MINDY4B: variants seen among roughly 807,000 people sequenced by gnomAD.
The protein encoded by MINDY4B is inactive ubiquitin carboxyl-terminal hydrolase MINDY-4B.
In MINDY4B, 25 loss-of-function variants were observed where a neutral mutation model predicts 16.7. The ratio of observed to expected loss-of-function variants is 1.49; its 90% confidence interval spans 1.09 to 2.09. The LOEUF (loss-of-function observed/expected upper bound fraction) is 2.09, where lower values mean the gene tolerates loss of function less well. MINDY4B is among the 30% of genes most tolerant of loss of function. MINDY4B has a pLI of 0.00. For missense variants in MINDY4B, 327 were observed against 168.4 expected, an observed-to-expected ratio of 1.94 and a Z score of -5.21; for synonymous variants, 132 against 61.9, an observed-to-expected ratio of 2.13 and a Z score of -5.32.
intron 3 of MINDY4B, among the ~76,000 whole-genome samples, chr3:150,897,998 T>A (rs1269712340): frequency 6.6e-6 from 1 of 152,190 alleles, no homozygotes; most frequent in Non-Finnish European, 1.5e-5. Context: ...GTTCTGCTCC[T>A]TACCAACCAT....
intron 10 of MINDY4B, among the ~76,000 whole-genome samples, chr3:150,874,005 ATTTTTTTTTTTTTTTT>A (rs558319330): frequency 1.2e-5 from 1 of 81,988 alleles, no homozygotes; most frequent in African/African-American, 4.7e-5. Context: ...TTTAGCCTTG[ATTTTTTTTTTTTTTTT>A]TTTTTTTTTT....
rs1204531152 is a variant in MINDY4B, at chr3:150,870,997, C to A, written c.*48G>T. On this transcript the variant is annotated 3_prime_UTR_variant, in exon 12 of 12. Coordinates refer to ENST00000465419, the MANE Select transcript of MINDY4B (RefSeq NM_001351281.2). The stretch of plus-strand genomic sequence containing the variant: ...TCTCCCCCACATTAGGCTTTTGCAT[C>A]CCAGCAGTTCTGACACTTCAGACTT... 27 of 676,228 alleles carry A rather than the reference C, an allele frequency of 4.0e-5. No homozygotes were observed. Among genetic ancestry groups the A allele is most frequent in the Non-Finnish European group, 7.2e-5 (27 of 372,948 alleles). The allele number at this position is 676,228 out of a possible 1,614,324, so 41.9% of individuals were successfully genotyped here.
At chr3:150,900,433 T>C (rs1393653346) in intron 3 of MINDY4B, among the ~76,000 whole-genome samples, 2 of 152,328 alleles carry the variant, frequency 1.3e-5, no homozygotes, top group African/African-American at 2.4e-5. Flanking sequence ...TAGGATTCAA[T>C]AGCTCTGACA....
intron 10 of MINDY4B, among the ~76,000 whole-genome samples, chr3:150,877,626 G>C (rs962301115): frequency 6.6e-6 from 1 of 152,088 alleles, no homozygotes; most frequent in Non-Finnish European, 1.5e-5. Context: ...CCATACACCC[G>C]ACAAGTGTGA....
At chr3:150,879,439 A>G (rs999109186) in intron 10 of MINDY4B, among the ~76,000 whole-genome samples, 3 of 152,244 alleles carry the variant, frequency 2.0e-5, no homozygotes, top group Middle Eastern at 3.4e-3. Flanking sequence ...AACCACTTCA[A>G]AATTTCAGTG....
chr3:150,892,617 A>G (rs1340421209), intron 5 of MINDY4B, among the ~76,000 whole-genome samples: 1 of 152,130 alleles, frequency 6.6e-6, no homozygotes, highest in Non-Finnish European at 1.5e-5. Context: ...AAAAATAGGC[A>G]AAAACCAAAC....
At chr3:150,872,524 C>T (rs1716993694) in intron 11 of MINDY4B, among the ~76,000 whole-genome samples, 1 of 152,194 alleles carries the variant, frequency 6.6e-6, no homozygotes, top group Non-Finnish European at 1.5e-5. Flanking sequence ...GTCTTTTTCC[C>T]TCAGGAGTTT....
chr3:150,901,609 C>A (rs576553739), intron 3 of MINDY4B, among the ~76,000 whole-genome samples: 1 of 150,590 alleles, frequency 6.6e-6, no homozygotes. Flanking sequence ...GCAACCTCTG[C>A]GTCCTGGGTT....
At chr3:150,895,122 C>G (rs551022561) in intron 3 of MINDY4B, among the ~76,000 whole-genome samples, 50 of 152,096 alleles carry the variant, frequency 3.3e-4, no homozygotes, top group Non-Finnish European at 5.7e-4. Flanking sequence ...CATTTATTCC[C>G]TTCATTTAAT....
intron 3 of MINDY4B, among the ~76,000 whole-genome samples, chr3:150,897,238 A>G (rs1333715458): frequency 2.0e-5 from 3 of 152,048 alleles, no homozygotes; most frequent in African/African-American, 7.2e-5. Context: ...GGGAGACTAG[A>G]CAGAGAGAAA....
rs552675868 is a variant in MINDY4B at position 150,877,600 on chromosome 3, C to T, written c.1060-4233G>A. The stretch of plus-strand genomic sequence containing the variant: ...TCTAAGCACCACTGAGCTTGGTCTC[C>T]TAGGGCTAAGGATTTCCATACACCC... On this transcript the variant is annotated intron_variant, in intron 10 of 11. Coordinates refer to ENST00000465419, the MANE Select transcript of MINDY4B (RefSeq NM_001351281.2). Among the ~76,000 whole-genome samples, 344 of 152,212 alleles carry T rather than the reference C, an allele frequency of 2.3e-3. 2 individuals are homozygous for T. The highest frequency in any genetic ancestry group is 3.4e-3 in the Middle Eastern group (1 of 294).
At chr3:150,883,099 A>G in intron 9 of MINDY4B, 41 bp from the exon 10 acceptor site, 1 of 606,678 alleles carries the variant, frequency 1.6e-6, no homozygotes, top group South Asian at 1.9e-5. Context: ...TTTAGATAGC[A>G]ATGAAACAAT....
chr3:150,874,556 C>T (rs868206756), intron 10 of MINDY4B, among the ~76,000 whole-genome samples: 17 of 122,804 alleles, frequency 1.4e-4, no homozygotes, highest in African/African-American at 4.8e-4. Context: ...TATATATCTA[C>T]ATGGACAAAC....
chr3:150,885,370 T>G lies in MINDY4B; in HGVS notation c.822A>C (p.Glu274Asp), dbSNP rs772832565. The G allele has an allele frequency of 1.4e-6, 1 of 702,826 alleles. No homozygotes were observed. Among genetic ancestry groups the G allele is most frequent in the Non-Finnish European group, 2.6e-6 (1 of 384,822 alleles). The allele number at this position is 702,826 out of a possible 1,614,324, so 43.5% of individuals were successfully genotyped here. Residue 274 changes from glutamate (E) to aspartate (D), a missense_variant and splice_region_variant, in exon 8 of 12, where the codon GAA (glutamate) becomes GAC (aspartate). Glu to Asp is a conservative substitution (Grantham distance 45). Coordinates refer to ENST00000465419, the MANE Select transcript of MINDY4B (RefSeq NM_001351281.2). ...GTGTAAACATCTGTAGAATTTACCT[T>G]TCAAATGTTCTAGAGAAGATCAGGC... is the stretch of plus-strand genomic sequence containing the variant. ...LYSLIFSRTF[E>D]RLQMDLDVTT...
chr3:150,903,596 T>C (rs1272253109), intron 2 of MINDY4B, among the ~76,000 whole-genome samples, 180 bp from the exon 3 acceptor site: 2 of 152,244 alleles, frequency 1.3e-5, no homozygotes, highest in Non-Finnish European at 2.9e-5. Context: ...AGTGTCTGTG[T>C]CAAAGGGGTT....
chr3:150,887,760 T>G (rs534181530), intron 7 of MINDY4B, among the ~76,000 whole-genome samples: 5 of 152,168 alleles, frequency 3.3e-5, no homozygotes, highest in African/African-American at 4.8e-5. Context: ...GTTAAAACAA[T>G]AGGAATGTAT....
intron 10 of MINDY4B, among the ~76,000 whole-genome samples, chr3:150,877,424 C>T (rs768491579): frequency 1.6e-4 from 24 of 152,258 alleles, no homozygotes; most frequent in Non-Finnish European, 2.2e-4. Context: ...GTCTCCAATC[C>T]GGTCATACTT....
chr3:150,894,811 GA>G (rs1173910557), intron 3 of MINDY4B, among the ~76,000 whole-genome samples: 1 of 151,828 alleles, frequency 6.6e-6, no homozygotes, highest in Non-Finnish European at 1.5e-5. Context: ...CCAAATGTAT[GA>G]AAAAAAGGGA....
At chr3:150,885,970 G>A (rs955625146) in intron 7 of MINDY4B, among the ~76,000 whole-genome samples, 2 of 152,144 alleles carry the variant, frequency 1.3e-5, no homozygotes, top group African/African-American at 2.4e-5. Flanking sequence ...CAGGTTTATT[G>A]CAAAAGTTAA....
Sources: gnomAD v4.1 joint callset for allele counts (sites outside exome capture counted in the v4.1 genomes callset) on GRCh38, gnomAD v4.1.1 for gene constraint, MANE v1.5 for transcripts, NCBI Gene and HGNC (gene_info 2026-07-23, HGNC 2026-07-21) for gene names.